The following CDH18 variants were observed in gnomAD, a reference collection of about 807,000 sequenced individuals.
CDH18 encodes cadherin-18.
A neutral mutation model predicts 67.9 loss-of-function variants in CDH18; 31 were observed. That is an observed-to-expected ratio of 0.46 (90% CI 0.34 to 0.62). The LOEUF (loss-of-function observed/expected upper bound fraction) is 0.62. Ranked by LOEUF, CDH18 falls within the 20% of genes least tolerant of loss-of-function variation. CDH18 has a pLI of 0.01. For synonymous variants in CDH18, 362 were observed against 347.2 expected (o/e 1.04, Z -0.48); for missense variants, 890 against 975.5 (o/e 0.91, Z 1.17).
At chr5:19,992,135 A>G (rs1050843763), upstream of CDH18, 20 of 152,192 alleles carry the variant, frequency 1.3e-4, no homozygotes, top group African/African-American at 4.8e-4. Context: ...AATTCTAAAA[A>G]GTAGCATATT....
intron 2 of CDH18, among the ~76,000 whole-genome samples, chr5:20,022,167 A>G (rs777449838): frequency 1.3e-5 from 2 of 152,190 alleles, no homozygotes; most frequent in African/African-American, 2.4e-5. Context: ...ACCACAAAAC[A>G]TCCTGGGTAT....
chr5:20,238,876 G>A (rs1044467888), intron 2 of CDH18, among the ~76,000 whole-genome samples: 1 of 152,096 alleles, frequency 6.6e-6, no homozygotes, highest in Non-Finnish European at 1.5e-5. Flanking sequence ...TAAAGGCTAT[G>A]AATATTTCCA....
At chr5:20,318,220 G>C (rs1057507357) in intron 1 of CDH18, among the ~76,000 whole-genome samples, 2 of 152,070 alleles carry the variant, frequency 1.3e-5, no homozygotes, top group Non-Finnish European at 2.9e-5. Context: ...TAAGTCACAG[G>C]ATCTTTATTT....
At chr5:19,961,849 T>C (rs1006271952) in intron 2 of CDH18, among the ~76,000 whole-genome samples, 1 of 152,206 alleles carries the variant, frequency 6.6e-6, no homozygotes, top group Admixed American at 6.5e-5. Flanking sequence ...AATTGGCCCT[T>C]AATCTCGTTT....
intron 1 of CDH18, among the ~76,000 whole-genome samples, chr5:20,278,607 A>G (rs1745988928): frequency 6.6e-6 from 1 of 152,172 alleles, no homozygotes; most frequent in Non-Finnish European, 1.5e-5. Context: ...GGAACATCGA[A>G]TATGATAATA....
chr5:19,716,816 A>T (rs981975791), intron 5 of CDH18, among the ~76,000 whole-genome samples: 22 of 152,154 alleles, frequency 1.4e-4, no homozygotes, highest in Non-Finnish European at 2.1e-4. Context: ...TGACAATTAA[A>T]TGTAGAATGT....
intron 3 of CDH18, among the ~76,000 whole-genome samples, chr5:19,767,990 C>A (rs1042993712): frequency 6.6e-6 from 1 of 152,158 alleles, no homozygotes; most frequent in African/African-American, 2.4e-5. Flanking sequence ...ATTCCCCTCC[C>A]TCCACCTCCA....
intron 1 of CDH18, among the ~76,000 whole-genome samples, chr5:20,512,670 G>A (rs1561081436): frequency 6.6e-6 from 1 of 151,998 alleles, no homozygotes; most frequent in Non-Finnish European, 1.5e-5. Context: ...GATCACTTGA[G>A]GTTAGGAGTT....
intron 2 of CDH18, among the ~76,000 whole-genome samples, chr5:20,129,854 G>A (rs754683723): frequency 2.0e-5 from 3 of 151,920 alleles, no homozygotes; most frequent in Non-Finnish European, 2.9e-5. Context: ...GTAAAATACT[G>A]ATAATAGGTT....
chr5:20,310,292 T>C (rs1054057666), intron 1 of CDH18, among the ~76,000 whole-genome samples: 2 of 152,214 alleles, frequency 1.3e-5, no homozygotes, highest in African/African-American at 4.8e-5. Context: ...ACAGCTTTAA[T>C]TTAATAATGT....
At chr5:20,080,563 T>A (rs572788210) in intron 2 of CDH18, among the ~76,000 whole-genome samples, 1 of 152,294 alleles carries the variant, frequency 6.6e-6, no homozygotes, top group South Asian at 2.1e-4. Flanking sequence ...ATTAAAATAC[T>A]TGAATGTAAT....
At chr5:19,621,866 T>C (rs1217534286) in intron 5 of CDH18, among the ~76,000 whole-genome samples, 1 of 152,140 alleles carries the variant, frequency 6.6e-6, no homozygotes, top group Admixed American at 6.6e-5. Flanking sequence ...AAACAGTAAA[T>C]AATGCAGCCA....
intron 1 of CDH18, among the ~76,000 whole-genome samples, chr5:20,313,401 A>G (rs1379969087): frequency 6.6e-6 from 1 of 151,998 alleles, no homozygotes; most frequent in Non-Finnish European, 1.5e-5. Flanking sequence ...AGTAAATTTG[A>G]TCTTCATTTC....
intron 1 of CDH18, among the ~76,000 whole-genome samples, chr5:20,280,197 A>T (rs933745011): frequency 5.3e-5 from 8 of 151,310 alleles, no homozygotes; most frequent in Admixed American, 5.3e-4. Flanking sequence ...TATTTTATTT[A>T]TTTTTTTTCT....
intron 3 of CDH18, among the ~76,000 whole-genome samples, chr5:19,834,734 C>T (rs1052551590): frequency 2.0e-5 from 3 of 152,204 alleles, no homozygotes; most frequent in Admixed American, 2.0e-4. Flanking sequence ...TCATGGTTCT[C>T]ATTGGTTTCA....
intron 11 of CDH18, among the ~76,000 whole-genome samples, chr5:19,488,920 C>A (rs7736930): frequency 0.063 from 9,565 of 152,156 alleles, 695 homozygotes; most frequent in African/African-American, 0.18. Context: ...TTGTTCATCT[C>A]AGTTTGCAAA....
chr5:19,750,698 T>C (rs1770719877), intron 3 of CDH18, among the ~76,000 whole-genome samples: 1 of 152,070 alleles, frequency 6.6e-6, no homozygotes, highest in African/African-American at 2.4e-5. Context: ...ATGATTTTTT[T>C]TTACAGTGAA....
chr5:19,629,781 AT>A (rs937268585), intron 5 of CDH18, among the ~76,000 whole-genome samples: 1 of 152,104 alleles, frequency 6.6e-6, no homozygotes, highest in Non-Finnish European at 1.5e-5. Flanking sequence ...GACTATATAA[AT>A]TTTTTTCAAC....
chr5:19,788,860 C>G (rs1210491477), intron 3 of CDH18, among the ~76,000 whole-genome samples: 1 of 152,088 alleles, frequency 6.6e-6, no homozygotes, highest in Non-Finnish European at 1.5e-5. Flanking sequence ...GATTCATATC[C>G]CAGCATTCAC....
Sources: gnomAD v4.1 joint callset for allele counts (sites outside exome capture counted in the v4.1 genomes callset) on GRCh38, gnomAD v4.1.1 for gene constraint, MANE v1.5 for transcripts, NCBI Gene and HGNC (gene_info 2026-07-23, HGNC 2026-07-21) for gene names.